The following ARHGAP32 variants were observed in gnomAD, a reference collection of about 807,000 sequenced individuals.
ARHGAP32 encodes rho GTPase-activating protein 32.
Under a neutral mutation model 186.5 loss-of-function variants are expected in ARHGAP32, and 51 were observed. The observed-to-expected ratio is 0.27, with a 90% CI of 0.22 to 0.35. The LOEUF is 0.35. ARHGAP32 is among the 10% of genes least tolerant of loss of function. The pLI, the probability that ARHGAP32 is intolerant of heterozygous loss-of-function variation, is 1.00. For synonymous variants in ARHGAP32, 950 were observed against 964.3 expected (o/e 0.99, Z 0.27); for missense variants, 2,186 against 2,623.5 (o/e 0.83, Z 3.64).
intron 1 of ARHGAP32, among the ~76,000 whole-genome samples, chr11:129,251,366 CCT>C (rs2135690652): frequency 6.6e-6 from 1 of 152,150 alleles, no homozygotes; most frequent in Admixed American, 6.5e-5. Flanking sequence ...AGAAATTGTG[CCT>C]CTGACTATAA....
chr11:129,044,329 C>G (rs1045232361), intron 10 of ARHGAP32, among the ~76,000 whole-genome samples: 4 of 152,160 alleles, frequency 2.6e-5, no homozygotes, highest in African/African-American at 9.7e-5. Flanking sequence ...ACTACGGCAG[C>G]CTGTTTCGTA....
At chr11:129,188,249 C>A (rs1944203013) in intron 1 of ARHGAP32, among the ~76,000 whole-genome samples, 1 of 152,188 alleles carries the variant, frequency 6.6e-6, no homozygotes, top group Admixed American at 6.5e-5. Context: ...AGCCACCATG[C>A]CCAGCCTCAG....
chr11:129,234,210 A>G (rs187633718), intron 1 of ARHGAP32, among the ~76,000 whole-genome samples: 164 of 152,266 alleles, frequency 1.1e-3, no homozygotes, highest in Middle Eastern at 3.4e-3. Flanking sequence ...TTTCCTTTTA[A>G]GAACTTCATG....
At chr11:129,190,266 C>G (rs569784324) in intron 1 of ARHGAP32, among the ~76,000 whole-genome samples, 1 of 152,198 alleles carries the variant, frequency 6.6e-6, no homozygotes, top group Non-Finnish European at 1.5e-5. Context: ...AACACCACCA[C>G]GAGGTTGTGA....
chr11:129,140,798 T>G (rs1424344584), intron 2 of ARHGAP32, among the ~76,000 whole-genome samples: 2 of 152,206 alleles, frequency 1.3e-5, no homozygotes, highest in East Asian at 3.9e-4. Flanking sequence ...CTGGCAATCT[T>G]GCATTTTAAG....
rs933610981 is a variant in ARHGAP32 at position 129,123,116 on chromosome 11, T to C, written c.444+330A>G. The stretch of plus-strand genomic sequence containing the variant: ...ACCAAGTATCAAAGCTCACAACAAT[T>C]AATTAAGACAAGTTTACATAATTTC... On this transcript the variant is annotated intron_variant, in intron 5 of 22. Transcript: ENST00000682385. This position sits in a 1 kb window ranked among gnomAD's most constrained non-coding sequence, Gnocchi z 4.6. 4.6e-5 allele frequency among the ~76,000 whole-genome samples: 7 copies of C among 152,142 alleles called. No individual in the cohort carries two copies. The South Asian group carries it at 1.2e-3, about 27-fold the overall frequency.
At chr11:129,178,217 T>C (rs1444263992) in intron 1 of ARHGAP32, among the ~76,000 whole-genome samples, 3 of 151,946 alleles carry the variant, frequency 2.0e-5, no homozygotes, top group Admixed American at 6.6e-5. Flanking sequence ...ATAAAATACC[T>C]AGGAATCCAA....
rs1945863200 is a variant in ARHGAP32 at position 128,986,010 on chromosome 11, G to T, written c.1519C>A (p.His507Asn). Reference protein sequence around the residue: ...HDVIQQLPPPHYRTLEFLMRH... With the variant: ...HDVIQQLPPPNYRTLEFLMRH... ...TTACCCACTGTGGCTGACCTGTAGT[G>T]TGGTGGGGGGAGCTGCTGGATGACA... Residue 507 changes from histidine to asparagine, a missense_variant, in exon 15 of 23, where the codon CAC (histidine) becomes AAC (asparagine). Transcript: ENST00000682385. 1 of 1,608,710 alleles carries T rather than the reference G, an allele frequency of 6.2e-7. No individual in the cohort carries two copies.
At position 128,968,629 on chromosome 11, in the gene ARHGAP32, AGT is replaced by A. The variant is rs1156589882; in HGVS notation, c.*276_*277del. 3.6e-6 allele frequency: 1 copy of A among 274,910 alleles called. No individual in the cohort carries two copies. The highest frequency in any genetic ancestry group is 6.7e-6 in the Non-Finnish European group (1 of 148,944). The allele number at this position is 274,910 out of a possible 1,614,324, so 17.0% of individuals were successfully genotyped here. ...TCTTTCAAGCTAGCCCTAGATGGCA[AGT>A]GTGTCCTGAGACAGGTTTCTCTACT... On this transcript the variant is annotated 3_prime_UTR_variant, in exon 23 of 23. Transcript: ENST00000682385.
intron 1 of ARHGAP32, among the ~76,000 whole-genome samples, chr11:129,172,882 A>G (rs1397405802): frequency 6.6e-6 from 1 of 152,120 alleles, no homozygotes; most frequent in Admixed American, 6.6e-5. Context: ...TCACAATTAA[A>G]AGAGCTAAAG....
At chr11:129,093,162 C>G (rs1365630280) in intron 6 of ARHGAP32, among the ~76,000 whole-genome samples, 1 of 152,048 alleles carries the variant, frequency 6.6e-6, no homozygotes, top group East Asian at 1.9e-4. Context: ...GCAGAGATAA[C>G]ATAATCTACT....
chr11:129,046,968 A>T (rs1855100134), intron 10 of ARHGAP32, among the ~76,000 whole-genome samples: 1 of 152,188 alleles, frequency 6.6e-6, no homozygotes, highest in Admixed American at 6.5e-5. Context: ...ACTAAAAAAA[A>T]ATACAAAAAA....
At chr11:129,236,935 T>G (rs1278169012) in intron 1 of ARHGAP32, among the ~76,000 whole-genome samples, 1 of 152,212 alleles carries the variant, frequency 6.6e-6, no homozygotes, top group Non-Finnish European at 1.5e-5. Context: ...CTATGCCAAT[T>G]TTGCTGAGGG....
intron 11 of ARHGAP32, among the ~76,000 whole-genome samples, chr11:129,004,166 G>C (rs1399435307): frequency 6.7e-6 from 1 of 149,376 alleles, no homozygotes; most frequent in Non-Finnish European, 1.5e-5. Context: ...TGTTTGTATA[G>C]TTTCCAAAAT....
chr11:129,101,469 A>G (rs1941896764), intron 5 of ARHGAP32, among the ~76,000 whole-genome samples: 1 of 152,338 alleles, frequency 6.6e-6, no homozygotes, highest in African/African-American at 2.4e-5. Context: ...AAAACAATAC[A>G]GGAGCTGACA....
chr11:129,139,404 T>C (rs1415187623), intron 2 of ARHGAP32, among the ~76,000 whole-genome samples: 1 of 152,190 alleles, frequency 6.6e-6, no homozygotes, highest in Non-Finnish European at 1.5e-5. Flanking sequence ...ATCGATTTTA[T>C]GGTATATTAG....
At chr11:129,202,789 T>A (rs1235716624) in intron 1 of ARHGAP32, among the ~76,000 whole-genome samples, 2 of 152,110 alleles carry the variant, frequency 1.3e-5, no homozygotes, top group South Asian at 4.1e-4. Context: ...ACACGCCACA[T>A]CACTTTGTCT....
chr11:129,027,420 G>A (rs1938907938), intron 11 of ARHGAP32, among the ~76,000 whole-genome samples: 1 of 152,036 alleles, frequency 6.6e-6, no homozygotes, highest in African/African-American at 2.4e-5. Context: ...AACCCCTATG[G>A]TGACACCCAG....
intron 1 of ARHGAP32, among the ~76,000 whole-genome samples, chr11:129,229,993 T>G (rs1944836615): frequency 6.6e-6 from 1 of 152,056 alleles, no homozygotes; most frequent in African/African-American, 2.4e-5. Context: ...TTTTGTAATT[T>G]TTATAGAGAC....
Sources: gnomAD v4.1 joint callset for allele counts (sites outside exome capture counted in the v4.1 genomes callset) on GRCh38, gnomAD v4.1.1 for gene constraint, Gnocchi (gnomAD v3.1) non-coding constraint, MANE v1.5 for transcripts, NCBI Gene and HGNC (gene_info 2026-07-23, HGNC 2026-07-21) for gene names.